The following DMAC2 variants were observed in gnomAD, a reference collection of about 807,000 sequenced individuals.
DMAC2 encodes the protein distal membrane arm assembly component 2.
Under a neutral mutation model 29.6 loss-of-function variants are expected in DMAC2, and 32 were observed. The observed-to-expected ratio is 1.08, with a 90% CI of 0.81 to 1.45. The LOEUF (loss-of-function observed/expected upper bound fraction) is 1.45. Ranked by LOEUF, DMAC2 falls within the 40% of genes most tolerant of loss-of-function variation. The probability of loss-of-function intolerance (pLI) is 0.00; values close to 1 mark genes in which losing one functional copy is unlikely to be tolerated. For missense variants in DMAC2, 319 were observed against 340.0 expected (o/e 0.94, Z 0.49); for synonymous variants, 133 against 137.4 (o/e 0.97, Z 0.23).
intron 1 of DMAC2, chr19:41,439,618 G>T: frequency 1.4e-6 from 2 of 1,475,578 alleles, no homozygotes; most frequent in East Asian, 2.5e-5. Flanking sequence ...GTCGCTCTTC[G>T]GCAGCCACTC....
chr19:41,433,125 T>C, intron 5 of DMAC2, 147 bp downstream of exon 5: 2 of 863,874 alleles, frequency 2.3e-6, no homozygotes, highest in Non-Finnish European at 1.7e-6. Context: ...CTGTGACTGC[T>C]CATCTACCAT....
Position 41,432,409 on chromosome 19 carries a change from C to A in DMAC2, c.597-1G>T. On this transcript the variant is annotated splice_acceptor_variant, in intron 5 of 5. Transcript: ENST00000221943. LOFTEE classifies it high-confidence loss of function. Reference sequence around the variant, plus strand: ...CGAGATGTCCAGCCTGCGGAGGTTCCTGAAAAGGGGTGAGAAGGACAGGAA... The same window carrying A: ...CGAGATGTCCAGCCTGCGGAGGTTCATGAAAAGGGGTGAGAAGGACAGGAA... The A allele has an allele frequency of 6.2e-7, 1 of 1,613,272 alleles. No individual in the cohort carries two copies. Among genetic ancestry groups the A allele is most frequent in the Non-Finnish European group, 8.5e-7 (1 of 1,179,874 alleles).
intron 1 of DMAC2, among the ~76,000 whole-genome samples, chr19:41,438,666 TCTAA>T (rs2039998178): frequency 6.6e-6 from 1 of 152,236 alleles, no homozygotes; most frequent in African/African-American, 2.4e-5. Context: ...AAATTCTTCC[TCTAA>T]CTTTCCCCCA....
intron 3 of DMAC2, among the ~76,000 whole-genome samples, chr19:41,434,039 T>C (rs1239918332): frequency 1.3e-5 from 2 of 152,088 alleles, no homozygotes; most frequent in Non-Finnish European, 2.9e-5. Flanking sequence ...GAAACCATCC[T>C]GGCTAATACA....
Position 41,431,710 on chromosome 19 carries a change from G to C in DMAC2, c.*521C>G. 8.4e-6 allele frequency: 2 copies of C among 236,794 alleles called. No individual in the cohort carries two copies. The highest frequency in any genetic ancestry group is 1.7e-5 in the Non-Finnish European group (2 of 117,964). 14.7% of individuals were successfully genotyped at this position (236,794 alleles called of 1,614,324 possible). On this transcript the variant is annotated 3_prime_UTR_variant, in exon 6 of 6. Transcript: ENST00000221943. ...ACAGCCAACTGAAAAAGCTGAATTT[G>C]GAACATAAAGTCAATAAATCCATAA...
intron 5 of DMAC2, 89 bp downstream of exon 5, chr19:41,433,183 A>C: frequency 1.4e-6 from 2 of 1,403,972 alleles, no homozygotes; most frequent in Non-Finnish European, 1.9e-6. Flanking sequence ...AGAACTGCCT[A>C]ACATTGCCCC....
At chr19:41,433,501 T>C (rs373886313) in intron 4 of DMAC2, 36 bp downstream of exon 4, 12 of 1,613,476 alleles carry the variant, frequency 7.4e-6, no homozygotes, top group South Asian at 2.2e-5. Flanking sequence ...AGGGAAAACA[T>C]AGAGGCCTGT....
In DMAC2 at chr19:41,433,276, G is replaced by A. The variant is rs782709935; in HGVS notation, c.592C>T (p.Leu198Phe). ...CAGCCTGAGCTGAGGTCTCACTGGA[G>A]GTGGTGGAGGCAGGCGAGGCCCCGT... ...SERGLACLHH[L>F]QNLRRLDISD... is the part of the protein sequence containing the mutation. The change falls in exon 5 of 6, where the codon CTC becomes TTC. Residue 198 changes from leucine to phenylalanine, a missense_variant. By Grantham distance (22) the Leu-to-Phe change is conservative. Transcript: ENST00000221943. 15 of 1,607,976 alleles carry A rather than the reference G, an allele frequency of 9.3e-6. No individual in the cohort carries two copies. Among genetic ancestry groups the A allele is most frequent in the Non-Finnish European group, 1.2e-5 (14 of 1,178,886 alleles).
At chr19:41,439,075 G>A (rs543366127) in intron 1 of DMAC2, 1 of 198,100 alleles carries the variant, frequency 5.0e-6, no homozygotes, top group East Asian at 1.6e-4. Flanking sequence ...GAACCGAGAA[G>A]GGTATAAAAA....
At chr19:41,438,043 G>A (rs1404690134) in intron 2 of DMAC2, among the ~76,000 whole-genome samples, 175 bp downstream of exon 2, 2 of 152,176 alleles carry the variant, frequency 1.3e-5, no homozygotes, top group Non-Finnish European at 2.9e-5. Flanking sequence ...CTGGTGGGTG[G>A]CAAACTGCCT....
intron 3 of DMAC2, among the ~76,000 whole-genome samples, chr19:41,434,453 G>A (rs558788572): frequency 3.3e-5 from 5 of 149,388 alleles, no homozygotes; most frequent in Admixed American, 6.7e-5. Flanking sequence ...CCTAGAAACT[G>A]AGGGTCAGCG....
intron 2 of DMAC2, 54 bp from the exon 3 acceptor site, chr19:41,436,526 C>T (rs1172374873): frequency 1.3e-5 from 19 of 1,441,374 alleles, no homozygotes; most frequent in South Asian, 1.1e-4. Flanking sequence ...ACAGCCCTCA[C>T]GATGCCCCAG....
chr19:41,432,550 G>A, intron 5 of DMAC2, 142 bp from the exon 6 acceptor site: 1 of 736,918 alleles, frequency 1.4e-6, no homozygotes, highest in Non-Finnish European at 2.2e-6. Flanking sequence ...TGTATAGGGA[G>A]GTACAGGACA....
chr19:41,434,451 CTG>C (rs2039752253), intron 3 of DMAC2, among the ~76,000 whole-genome samples: 4 of 133,096 alleles, frequency 3.0e-5, no homozygotes, highest in Non-Finnish European at 6.4e-5. Flanking sequence ...TACCTAGAAA[CTG>C]AGGGTCAGCG....
chr19:41,435,090 T>C (rs868912306), intron 3 of DMAC2, among the ~76,000 whole-genome samples: 5 of 152,014 alleles, frequency 3.3e-5, no homozygotes, highest in Non-Finnish European at 7.4e-5. Context: ...TCACTCCCCC[T>C]GACAGGGTCC....
At chr19:41,438,470 C>T in intron 1 of DMAC2, 56 bp from the exon 2 acceptor site, 1 of 1,432,568 alleles carries the variant, frequency 7.0e-7, no homozygotes. Context: ...AGACACAGAG[C>T]TGGATCCCCC....
At chr19:41,434,237 AAAAAAAAC>A (rs1393384945) in intron 3 of DMAC2, among the ~76,000 whole-genome samples, 5 of 151,366 alleles carry the variant, frequency 3.3e-5, no homozygotes, top group Admixed American at 1.3e-4. Context: ...TCCATCTCAA[AAAAAAAAC>A]AAAAAAACAA....
chr19:41,434,096 A>G (rs58961854), intron 3 of DMAC2, among the ~76,000 whole-genome samples: 66,271 of 151,528 alleles, frequency 0.44, 14,809 homozygotes, highest in East Asian at 0.57. Context: ...TTAGCTGAGC[A>G]TGGTGGCAGG....
At chr19:41,433,741 C>A (rs1555770353) in intron 3 of DMAC2, 68 bp from the exon 4 acceptor site, 3 of 1,596,932 alleles carry the variant, frequency 1.9e-6, no homozygotes, top group Non-Finnish European at 8.6e-7. Context: ...CTCTTCAGAA[C>A]CTTCCCCAGC....
Sources: allele counts gnomAD v4.1 joint callset (sites outside exome capture counted in the v4.1 genomes callset), GRCh38; gene constraint gnomAD v4.1.1; transcripts MANE v1.5; gene names NCBI Gene and HGNC (gene_info 2026-07-23, HGNC 2026-07-21).